The following WDR59 variants were observed in gnomAD, a reference collection of about 807,000 sequenced individuals.
WDR59 encodes the protein WD repeat domain 59.
WDR59 carries 100 observed loss-of-function variants against 131.2 expected under a neutral mutation model. The ratio of observed to expected loss-of-function variants is 0.76; its 90% CI spans 0.65 to 0.90. WDR59 has a LOEUF of 0.90. WDR59 is among the 40% of genes least tolerant of loss of function. The pLI, the probability that WDR59 is intolerant of heterozygous loss-of-function variation, is 0.00. For synonymous variants in WDR59, 601 were observed against 466.2 expected, an observed-to-expected ratio of 1.29 and a Z score of -3.72; for missense variants, 1,203 against 1,262.2, an observed-to-expected ratio of 0.95 and a Z score of 0.71.
At chr16:74,919,001 A>G (rs998693998) in intron 10 of WDR59, among the ~76,000 whole-genome samples, 2 of 152,208 alleles carry the variant, frequency 1.3e-5, no homozygotes, top group African/African-American at 4.8e-5. Flanking sequence ...GTCCACATCA[A>G]CAATCTTCTG....
At chr16:74,937,240 C>T (rs1006309674) in intron 8 of WDR59, among the ~76,000 whole-genome samples, 2 of 152,144 alleles carry the variant, frequency 1.3e-5, no homozygotes, top group Non-Finnish European at 2.9e-5. Context: ...CAGAAATAAT[C>T]GGGTTACTGA....
At chr16:74,905,207 C>T (rs1965739400) in intron 17 of WDR59, among the ~76,000 whole-genome samples, 1 of 151,978 alleles carries the variant, frequency 6.6e-6, no homozygotes, top group African/African-American at 2.4e-5. Context: ...GAAACCCCAT[C>T]ACTACTAAAA....
intron 4 of WDR59, among the ~76,000 whole-genome samples, chr16:74,950,992 CAAA>C (rs528212034): frequency 8.0e-5 from 6 of 75,308 alleles, no homozygotes; most frequent in Non-Finnish European, 2.8e-5. Context: ...CCTGTCTCCA[CAAA>C]AAAAAAAAAA....
At chr16:74,971,682 C>A (rs1389805689) in intron 1 of WDR59, among the ~76,000 whole-genome samples, 1 of 152,020 alleles carries the variant, frequency 6.6e-6, no homozygotes, top group African/African-American at 2.4e-5. Context: ...ATCCACCTGC[C>A]TGGGCCTCCC....
chr16:74,901,963 T>C (rs1357836837), intron 18 of WDR59, among the ~76,000 whole-genome samples: 1 of 152,194 alleles, frequency 6.6e-6, no homozygotes, highest in East Asian at 1.9e-4. Context: ...GACTTATTCA[T>C]TTTTATCTTG....
chr16:74,945,401 T>G (rs7192232), intron 6 of WDR59, among the ~76,000 whole-genome samples: 1 of 150,930 alleles, frequency 6.6e-6, no homozygotes, highest in African/African-American at 2.4e-5. Context: ...GGCGAGAACC[T>G]GGGAGGCAGA....
intron 8 of WDR59, among the ~76,000 whole-genome samples, chr16:74,937,633 A>G (rs2031907972): frequency 6.6e-6 from 1 of 151,952 alleles, no homozygotes; most frequent in Non-Finnish European, 1.5e-5. Context: ...TCCCAAGTAG[A>G]TGGAATTACA....
At chr16:74,948,230 T>C (rs568826306) in intron 6 of WDR59, among the ~76,000 whole-genome samples, 2 of 152,364 alleles carry the variant, frequency 1.3e-5, no homozygotes, top group South Asian at 4.1e-4. Context: ...GTTTGAAATT[T>C]TCCACTATAA....
At position 74,909,933 on chromosome 16, in the gene WDR59, A is replaced by G. The variant is rs1205997007; in HGVS notation, c.1390-16T>C. 1.9e-6 allele frequency: 3 copies of G among 1,594,650 alleles called. No individual in the cohort carries two copies. The highest frequency in any genetic ancestry group is 2.6e-6 in the Non-Finnish European group (3 of 1,173,886). ...CCTTCAGGATCTAGAAAAGGCCCAA[A>G]ACACAGTCAAGAAGAGGAACACATT... On this transcript the variant is annotated splice_polypyrimidine_tract_variant and intron_variant, in intron 14 of 25. Coordinates refer to ENST00000262144, the MANE Select transcript of WDR59 (RefSeq NM_030581.4).
chr16:74,881,854 C>T (rs1337138923), intron 25 of WDR59, among the ~76,000 whole-genome samples: 23 of 115,076 alleles, frequency 2.0e-4, no homozygotes. Flanking sequence ...GCCTGGGTGA[C>T]AGAGCAAGAC....
At chr16:74,886,127 G>A (rs1026838689) in intron 24 of WDR59, 143 bp downstream of exon 24, 15 of 1,088,130 alleles carry the variant, frequency 1.4e-5, no homozygotes, top group South Asian at 5.0e-5. Flanking sequence ...GCAGAGAGCC[G>A]AGATCCCGCC....
At chr16:74,974,254 C>G (rs779836826) in intron 1 of WDR59, among the ~76,000 whole-genome samples, 9 of 152,132 alleles carry the variant, frequency 5.9e-5, no homozygotes, top group Non-Finnish European at 1.2e-4. Flanking sequence ...ATGGCCCACA[C>G]TGGGTACTAC....
chr16:74,896,450 C>T (rs762892217), intron 18 of WDR59, among the ~76,000 whole-genome samples: 1 of 152,138 alleles, frequency 6.6e-6, no homozygotes, highest in Non-Finnish European at 1.5e-5. Flanking sequence ...CCCTGGCCCA[C>T]ATGGTGAAAC....
chr16:74,884,589 C>T (rs1340503163), intron 25 of WDR59, among the ~76,000 whole-genome samples: 1 of 152,218 alleles, frequency 6.6e-6, no homozygotes, highest in Non-Finnish European at 1.5e-5. Flanking sequence ...CTCAAGTGAT[C>T]TGCCTGACTT....
At chr16:74,947,006 C>A (rs1363432914) in intron 6 of WDR59, among the ~76,000 whole-genome samples, 1 of 152,188 alleles carries the variant, frequency 6.6e-6, no homozygotes. Flanking sequence ...ATAAGTTATA[C>A]CAGTTCTATT....
intron 6 of WDR59, among the ~76,000 whole-genome samples, chr16:74,943,444 C>T (rs893980382): frequency 2.0e-5 from 3 of 152,134 alleles, no homozygotes; most frequent in African/African-American, 7.2e-5. Context: ...CAGTATGTGA[C>T]CTCAGTCCTT....
At chr16:74,920,944 G>C (rs1405667557) in intron 10 of WDR59, among the ~76,000 whole-genome samples, 1 of 152,112 alleles carries the variant, frequency 6.6e-6, no homozygotes, top group Non-Finnish European at 1.5e-5. Flanking sequence ...ATGGTGACCA[G>C]GTAGCTTCGG....
chr16:74,925,777 T>G (rs891499284), intron 8 of WDR59, among the ~76,000 whole-genome samples: 18 of 151,864 alleles, frequency 1.2e-4, no homozygotes, highest in African/African-American at 4.4e-4. Context: ...GCCTATAATC[T>G]CAGTGCTTTG....
rs1567405649 is a variant in WDR59 at position 74,931,388 on chromosome 16, T to C, written c.651+6762A>G. 4.6e-5 allele frequency among the ~76,000 whole-genome samples: 7 copies of C among 152,242 alleles called. 1 individual carries two copies. The South Asian group carries it at 1.2e-3, about 27-fold the overall frequency. On this transcript the variant is annotated intron_variant, in intron 8 of 25. Coordinates refer to ENST00000262144, the MANE Select transcript of WDR59 (RefSeq NM_030581.4). ...TATCCCTTTTTCAGGCAGGTTGGAG[T>C]GCAGCGGCACAATCTTGGCTCAATA...
Sources: allele counts gnomAD v4.1 joint callset (sites outside exome capture counted in the v4.1 genomes callset), GRCh38; gene constraint gnomAD v4.1.1; transcripts MANE v1.5; gene names NCBI Gene and HGNC (gene_info 2026-07-23, HGNC 2026-07-21).